The following SCGB2B2 variants were observed in gnomAD, a reference collection of about 807,000 sequenced individuals.
SCGB2B2 encodes the protein secretoglobin family 2B member 2.
A neutral mutation model predicts 7.6 loss-of-function variants in SCGB2B2; 11 were observed. The observed-to-expected ratio is 1.45, with a 90% CI of 0.91 to 2.40. SCGB2B2 has a LOEUF of 2.40. Ranked by LOEUF, SCGB2B2 falls within the 30% of genes most tolerant of loss-of-function variation. The pLI is 0.00. For synonymous variants in SCGB2B2, 50 were observed against 48.6 expected, an observed-to-expected ratio of 1.03 and a Z score of -0.12; for missense variants, 104 against 115.4, an observed-to-expected ratio of 0.90 and a Z score of 0.45.
At position 34,606,679 on chromosome 19, in the gene SCGB2B2, GAGAC is replaced by G. The variant is rs555049749; in HGVS notation, c.-2031-10089_-2031-10086del. Among the ~76,000 whole-genome samples the G allele has an allele frequency of 3.1e-3, 466 of 152,132 alleles. 1 individual carries two copies. Among genetic ancestry groups the G allele is most frequent in the African/African-American group, 0.011 (446 of 41,502 alleles). ...TGAGGCAGTACAATAAGAATTTTCA[GAGAC>G]AGACAATGACCAGATTTATATAACT... is the stretch of plus-strand genomic sequence containing the variant. On this transcript the variant is annotated intron_variant, in intron 1 of 3. Transcript: ENST00000601241.
intron 1 of SCGB2B2, among the ~76,000 whole-genome samples, chr19:34,655,646 T>C (rs1286440178): frequency 6.6e-6 from 1 of 151,278 alleles, no homozygotes; most frequent in African/African-American, 2.5e-5. Context: ...CATGGGCAGA[T>C]CCTTAGCCTT....
intron 1 of SCGB2B2, among the ~76,000 whole-genome samples, chr19:34,662,529 A>AC (rs748948899): frequency 1.1e-4 from 16 of 151,810 alleles, no homozygotes; most frequent in Non-Finnish European, 2.2e-4. Context: ...ACACACACAC[A>AC]ACATGAAGCA....
chr19:34,625,537 G>A (rs10417265), intron 1 of SCGB2B2, among the ~76,000 whole-genome samples: 47,985 of 152,072 alleles, frequency 0.32, 8,414 homozygotes, highest in Middle Eastern at 0.47. Context: ...ACAGCAGTCT[G>A]AGATCAAACT....
At chr19:34,616,230 T>C (rs1249820755) in intron 1 of SCGB2B2, among the ~76,000 whole-genome samples, 8 of 151,238 alleles carry the variant, frequency 5.3e-5, no homozygotes, top group African/African-American at 1.9e-4. Flanking sequence ...GGTCAAATGG[T>C]ATTTCTAGTT....
intron 1 of SCGB2B2, chr19:34,632,814 C>G (rs1217768570): frequency 6.6e-6 from 1 of 152,232 alleles, no homozygotes; most frequent in African/African-American, 2.4e-5. Context: ...CCAGGGCTAG[C>G]CCTTTCTTAG....
intron 1 of SCGB2B2, among the ~76,000 whole-genome samples, chr19:34,603,721 G>A (rs990798787): frequency 2.0e-5 from 3 of 150,196 alleles, no homozygotes; most frequent in Non-Finnish European, 4.4e-5. Flanking sequence ...TATTTTTCTT[G>A]GAATTTAAAC....
At chr19:34,665,525 GGTCAT>G (rs2067590959) in intron 1 of SCGB2B2, among the ~76,000 whole-genome samples, 1 of 152,214 alleles carries the variant, frequency 6.6e-6, no homozygotes, top group Non-Finnish European at 1.5e-5. Context: ...TGCACGATCT[GGTCAT>G]GTCATGCAGG....
At position 34,650,127 on chromosome 19, in the gene SCGB2B2, C is replaced by T. The variant is rs1260395992; in HGVS notation, c.-2032+25503G>A. ...TGAGGTCAGAGGACAGAAAATCTAG[C>T]GAGAGAGGGACTGGAGCAAGAGGTG... is the stretch of plus-strand genomic sequence containing the variant. On this transcript the variant is annotated intron_variant, in intron 1 of 3. Coordinates refer to ENST00000601241, the MANE Select transcript of SCGB2B2 (RefSeq NM_001025591.4). Among the ~76,000 whole-genome samples the T allele has an allele frequency of 3.3e-5, 5 of 151,242 alleles. 1 individual carries two copies. Among genetic ancestry groups the T allele is most frequent in the African/African-American group, 4.9e-5 (2 of 40,566 alleles).
In SCGB2B2 at chr19:34,612,542, T is replaced by C. The variant is rs541928584; in HGVS notation, c.-2031-15948A>G. On this transcript the variant is annotated intron_variant, in intron 1 of 3. Transcript: ENST00000601241. ...TTAAAAATGTAGAATTAAATTATTA[T>C]TCACTACTGTCACTCTGTTGTGCTA... Among the ~76,000 whole-genome samples the C allele has an allele frequency of 1.3e-3, 199 of 152,358 alleles. 1 individual carries two copies. The highest frequency in any genetic ancestry group is 2.4e-3 in the Non-Finnish European group (165 of 68,032).
chr19:34,631,928 A>G (rs760990264), intron 1 of SCGB2B2: 5 of 152,184 alleles, frequency 3.3e-5, no homozygotes, highest in Non-Finnish European at 7.4e-5. Flanking sequence ...ATTAGCAAAA[A>G]TACAGATTAA....
At chr19:34,657,522 A>G in intron 1 of SCGB2B2, among the ~76,000 whole-genome samples, 1 of 152,040 alleles carries the variant, frequency 6.6e-6, no homozygotes, top group Non-Finnish European at 1.5e-5. Flanking sequence ...ACATAATGGT[A>G]AAGGGATCAA....
chr19:34,587,006 C>T (rs2145701535), downstream of SCGB2B2, among the ~76,000 whole-genome samples: 1 of 152,284 alleles, frequency 6.6e-6, no homozygotes, highest in Non-Finnish European at 1.5e-5. Context: ...CTCCCAGGTT[C>T]AAGCGATTCT....
intron 1 of SCGB2B2, among the ~76,000 whole-genome samples, chr19:34,661,632 G>A (rs2067460038): frequency 6.6e-6 from 1 of 152,084 alleles, no homozygotes. Context: ...AGGGAACCCA[G>A]AAGCAAACTA....
At chr19:34,614,402 T>C (rs2066014115) in intron 1 of SCGB2B2, among the ~76,000 whole-genome samples, 1 of 152,186 alleles carries the variant, frequency 6.6e-6, no homozygotes, top group African/African-American at 2.4e-5. Context: ...CTATTGACAC[T>C]GTCCATTTTA....
At chr19:34,608,653 CTCATTGCATATATATATATATATATA>C (rs2065842880) in intron 1 of SCGB2B2, 1 of 51,756 alleles carries the variant, frequency 1.9e-5, no homozygotes, top group Non-Finnish European at 3.5e-5. Flanking sequence ...TGGCTAGTGT[CTCATTGCATATATATATATATATATA>C]TATATACCGT....
intron 1 of SCGB2B2, among the ~76,000 whole-genome samples, chr19:34,651,978 G>T (rs1357616261): frequency 6.6e-6 from 1 of 150,984 alleles, no homozygotes; most frequent in African/African-American, 2.5e-5. Context: ...ACATCCAGCT[G>T]TTTACAACCA....
At chr19:34,664,712 G>A (rs1364538680) in intron 1 of SCGB2B2, among the ~76,000 whole-genome samples, 2 of 152,162 alleles carry the variant, frequency 1.3e-5, no homozygotes, top group African/African-American at 2.4e-5. Context: ...CCACTGAGAA[G>A]CCCTAGCCCT....
intron 1 of SCGB2B2, chr19:34,645,984 C>G: frequency 3.0e-6 from 1 of 329,982 alleles, no homozygotes. Context: ...CCCCAGCCCC[C>G]TGACAGAGGA....
At chr19:34,669,975 T>C (rs2067759228) in intron 1 of SCGB2B2, among the ~76,000 whole-genome samples, 1 of 152,190 alleles carries the variant, frequency 6.6e-6, no homozygotes, top group South Asian at 2.1e-4. Context: ...AAACAGCTTA[T>C]GATTAGCTAG....
Sources: gnomAD v4.1 joint callset for allele counts (sites outside exome capture counted in the v4.1 genomes callset) on GRCh38, gnomAD v4.1.1 for gene constraint, MANE v1.5 for transcripts, NCBI Gene and HGNC (gene_info 2026-07-23, HGNC 2026-07-21) for gene names.